MAGI2: variants seen among roughly 807,000 people sequenced by gnomAD.
MAGI2 encodes membrane associated guanylate kinase, WW and PDZ domain containing 2.
In MAGI2, 35 loss-of-function variants were observed where a neutral mutation model predicts 133.3. The ratio of observed to expected loss-of-function variants is 0.26; its 90% CI spans 0.20 to 0.35. The LOEUF (loss-of-function observed/expected upper bound fraction) is 0.35, where lower values mean the gene tolerates loss of function less well. Ranked by LOEUF, MAGI2 falls within the 10% of genes least tolerant of loss-of-function variation. MAGI2 has a pLI of 1.00. For synonymous variants in MAGI2, 729 were observed against 710.6 expected (o/e 1.03, Z -0.41); for missense variants, 1,636 against 1,863.4 (o/e 0.88, Z 2.25).
At chr7:78,860,068 G>A (rs942269864) in intron 2 of MAGI2, among the ~76,000 whole-genome samples, 21 of 152,156 alleles carry the variant, frequency 1.4e-4, no homozygotes, top group African/African-American at 3.1e-4. Flanking sequence ...CGTAGTTCTC[G>A]TGCCATGGTT....
At chr7:79,020,546 C>G (rs1231668101) in intron 1 of MAGI2, among the ~76,000 whole-genome samples, 2 of 152,040 alleles carry the variant, frequency 1.3e-5, no homozygotes, top group African/African-American at 4.8e-5. Context: ...GCGGGCTGAT[C>G]ATGAGGTCAG....
At chr7:78,050,303 G>C (rs1465223657) in intron 21 of MAGI2, among the ~76,000 whole-genome samples, 2 of 152,152 alleles carry the variant, frequency 1.3e-5, no homozygotes, top group African/African-American at 4.8e-5. Flanking sequence ...TAAATTGCCT[G>C]ATGGTTTTAG....
rs1250697093 is a variant in MAGI2, at chr7:79,346,575, G to C, written c.301+106445C>G. ...CTAGGCAATAAGGCTCTCTGCAACT[G>C]TACTGCCCTCTGTACTGAGTCTTTC... On this transcript the variant is annotated intron_variant, in intron 1 of 21. Coordinates refer to ENST00000354212, the MANE Select transcript of MAGI2 (RefSeq NM_012301.4). Among the ~76,000 whole-genome samples, 14 of 151,966 alleles carry C rather than the reference G, an allele frequency of 9.2e-5. No individual in the cohort carries two copies. The East Asian group carries it at 2.3e-3, about 25-fold the overall frequency.
intron 2 of MAGI2, among the ~76,000 whole-genome samples, chr7:78,815,930 G>A (rs1789536935): frequency 2.0e-5 from 3 of 152,134 alleles, no homozygotes; most frequent in African/African-American, 7.2e-5. Context: ...GTTTAAATCA[G>A]AAGCTAGAAA....
At chr7:79,004,783 T>G (rs918310660) in intron 2 of MAGI2, among the ~76,000 whole-genome samples, 3 of 152,106 alleles carry the variant, frequency 2.0e-5, no homozygotes, top group Non-Finnish European at 4.4e-5. Flanking sequence ...AAAATTTTTT[T>G]AAAGGTATAC....
chr7:78,638,899 A>G (rs1809970805), intron 2 of MAGI2, among the ~76,000 whole-genome samples: 1 of 152,206 alleles, frequency 6.6e-6, no homozygotes. Context: ...TTAGCAGATA[A>G]TGTTTCAAGA....
intron 1 of MAGI2, among the ~76,000 whole-genome samples, chr7:79,255,964 C>T (rs1833651291): frequency 6.6e-6 from 1 of 152,126 alleles, no homozygotes; most frequent in Non-Finnish European, 1.5e-5. Context: ...GCTAAAAGAT[C>T]TGAAACACTT....
At position 78,559,860 on chromosome 7, in the gene MAGI2, C is replaced by T. The variant is rs1003881764; in HGVS notation, c.539-38215G>A. 2.6e-5 allele frequency among the ~76,000 whole-genome samples: 4 copies of T among 152,040 alleles called. No individual in the cohort carries two copies. In the South Asian group the frequency reaches 8.3e-4, roughly 32 times the overall value. On this transcript the variant is annotated intron_variant, in intron 3 of 21. Coordinates refer to ENST00000354212, the MANE Select transcript of MAGI2 (RefSeq NM_012301.4). ...ACAAACATGTATGTGTGTGTGTACACATATATTTGCCACCCACTGTCACAC... is the reference window on the plus strand; with the variant it reads ...ACAAACATGTATGTGTGTGTGTACATATATATTTGCCACCCACTGTCACAC...
chr7:78,404,078 G>A (rs1434288702), intron 6 of MAGI2, among the ~76,000 whole-genome samples: 1 of 152,018 alleles, frequency 6.6e-6, no homozygotes, highest in Non-Finnish European at 1.5e-5. Context: ...GCTTCAAAGA[G>A]AATAAAATAC....
At chr7:79,340,707 G>A (rs1415550152) in intron 1 of MAGI2, among the ~76,000 whole-genome samples, 2 of 152,016 alleles carry the variant, frequency 1.3e-5, no homozygotes, top group Admixed American at 1.3e-4. Flanking sequence ...AATTTCCTAG[G>A]TAAGTGTACA....
At chr7:78,527,430 T>A (rs1034375517) in intron 3 of MAGI2, among the ~76,000 whole-genome samples, 2 of 152,226 alleles carry the variant, frequency 1.3e-5, no homozygotes, top group Non-Finnish European at 2.9e-5. Context: ...TCCTCTCAGA[T>A]TTTTTCACAT....
At chr7:78,981,619 C>T (rs185252652) in intron 2 of MAGI2, among the ~76,000 whole-genome samples, 4 of 151,498 alleles carry the variant, frequency 2.6e-5, no homozygotes, top group Non-Finnish European at 2.9e-5. Flanking sequence ...TTGTTGCATC[C>T]GACTTTTTCA....
intron 1 of MAGI2, among the ~76,000 whole-genome samples, chr7:79,294,420 C>A (rs1039985726): frequency 6.6e-6 from 1 of 151,826 alleles, no homozygotes; most frequent in Non-Finnish European, 1.5e-5. Context: ...ACCGATTGAA[C>A]CTTAGGTTAC....
chr7:78,024,067 C>T (rs1056350670), intron 21 of MAGI2, among the ~76,000 whole-genome samples: 3 of 152,140 alleles, frequency 2.0e-5, no homozygotes, highest in Non-Finnish European at 2.9e-5. Flanking sequence ...ACCAATCCCC[C>T]AGAAACTAAA....
At chr7:78,564,153 A>G (rs1328072485) in intron 3 of MAGI2, among the ~76,000 whole-genome samples, 1 of 151,712 alleles carries the variant, frequency 6.6e-6, no homozygotes, top group South Asian at 2.1e-4. Flanking sequence ...GGTAAGGATA[A>G]CTGTGGAAGA....
At chr7:78,990,151 G>A (rs1805624205) in intron 2 of MAGI2, among the ~76,000 whole-genome samples, 3 of 152,140 alleles carry the variant, frequency 2.0e-5, no homozygotes, top group South Asian at 4.1e-4. Context: ...GTTTCTGTGA[G>A]ATAGATGCTA....
chr7:79,198,987 G>A (rs908610520), intron 1 of MAGI2, among the ~76,000 whole-genome samples: 1 of 151,630 alleles, frequency 6.6e-6, no homozygotes, highest in Non-Finnish European at 1.5e-5. Flanking sequence ...CTACTTTCTG[G>A]GAAATATTAA....
intron 1 of MAGI2, among the ~76,000 whole-genome samples, chr7:79,406,330 T>G (rs1035094919): frequency 6.6e-6 from 1 of 152,088 alleles, no homozygotes; most frequent in Non-Finnish European, 1.5e-5. Flanking sequence ...GCGGGTGAAG[T>G]GTTAATTTTG....
At chr7:78,249,051 C>T (rs755904330) in intron 10 of MAGI2, among the ~76,000 whole-genome samples, 3 of 151,754 alleles carry the variant, frequency 2.0e-5, no homozygotes, top group Non-Finnish European at 4.4e-5. Flanking sequence ...AAAAAAAGTG[C>T]GAAAGAGCTG....
Sources: gnomAD v4.1 joint callset for allele counts (sites outside exome capture counted in the v4.1 genomes callset) on GRCh38, gnomAD v4.1.1 for gene constraint, MANE v1.5 for transcripts, NCBI Gene and HGNC (gene_info 2026-07-23, HGNC 2026-07-21) for gene names.